Variants in CAMTA1 observed in about 807,000 individuals in gnomAD.
CAMTA1 encodes the protein calmodulin-binding transcription activator 1.
Under a neutral mutation model 170.9 loss-of-function variants are expected in CAMTA1, and 27 were observed. The ratio of observed to expected loss-of-function variants is 0.16; its 90% CI spans 0.12 to 0.22. CAMTA1 has a LOEUF of 0.22. Among genes scored for constraint, CAMTA1 ranks in the 10% least tolerant of loss-of-function variants. The pLI, the probability that CAMTA1 is intolerant of heterozygous loss-of-function variation, is 1.00. For synonymous variants in CAMTA1, 833 were observed against 891.5 expected, an observed-to-expected ratio of 0.93 and a Z score of 1.17; for missense variants, 1,619 against 2,217.2, an observed-to-expected ratio of 0.73 and a Z score of 5.42.
intron 6 of CAMTA1, among the ~76,000 whole-genome samples, chr1:7,553,212 T>TGCATG (rs1557904676): frequency 2.3e-4 from 35 of 149,738 alleles, no homozygotes; most frequent in African/African-American, 7.5e-4. Flanking sequence ...AATGAGTGAA[T>TGCATG]AAGTGAGTGA....
rs1172317662 is a variant in CAMTA1, at chr1:7,204,813, T to C, written c.303-44678T>C. Among the ~76,000 whole-genome samples the C allele has an allele frequency of 2.9e-5, 4 of 136,170 alleles. No homozygotes were observed. In the East Asian group the frequency reaches 6.3e-4, roughly 21 times the overall value. 89.3% of individuals were successfully genotyped at this position (136,170 alleles called of 152,430 possible). A position where few individuals can be genotyped will look rare whatever the true frequency, so the allele number is the denominator to read the frequency against. On this transcript the variant is annotated intron_variant, in intron 4 of 22. Transcript: ENST00000303635. ...TATTATTTTGGGTCAGAGTTTCTTT[T>C]TTTTTTTTCTTTTTTTCTTTTTTTT...
At chr1:6,803,908 C>T (rs1263492141) in intron 1 of CAMTA1, among the ~76,000 whole-genome samples, 1 of 151,510 alleles carries the variant, frequency 6.6e-6, no homozygotes, top group Non-Finnish European at 1.5e-5. Flanking sequence ...TTTGGCCAGG[C>T]ATGGTGGCTC....
In CAMTA1 at chr1:6,934,821, C is replaced by G. The variant is rs1162632452; in HGVS notation, c.234+109611C>G. Among the ~76,000 whole-genome samples, 3 of 152,132 alleles carry G rather than the reference C, an allele frequency of 2.0e-5. No individual in the cohort carries two copies. The highest frequency in any genetic ancestry group is 2.0e-4 in the Admixed American group (3 of 15,276). ...TGCTATGATGTGCCATTTCTTTGGG[C>G]TTTTCCGAGGACTGCTCACTTGAGG... On this transcript the variant is annotated intron_variant, in intron 3 of 22. Coordinates refer to ENST00000303635, the MANE Select transcript of CAMTA1 (RefSeq NM_015215.4). The surrounding 1 kb of genome is among the most constrained non-coding windows in gnomAD (Gnocchi z 4.5).
intron 3 of CAMTA1, among the ~76,000 whole-genome samples, chr1:7,032,417 A>T (rs1184994117): frequency 6.6e-6 from 1 of 152,182 alleles, no homozygotes. Flanking sequence ...ATCATAGTCC[A>T]CTTTCAGGTG....
At chr1:7,525,950 G>T (rs2094426946) in intron 6 of CAMTA1, among the ~76,000 whole-genome samples, 1 of 152,114 alleles carries the variant, frequency 6.6e-6, no homozygotes. Flanking sequence ...GGGAAGCCTG[G>T]CAGGGCCAGG....
At position 7,443,755 on chromosome 1, in the gene CAMTA1, C is replaced by T. The variant is rs558282834; in HGVS notation, c.439-24075C>T. On this transcript the variant is annotated intron_variant, in intron 5 of 22. Transcript: ENST00000303635. This position sits in a 1 kb window ranked among gnomAD's most constrained non-coding sequence, Gnocchi z 4.1. ...TTGGTAAGAAGGGAGAAGTGGGGCT[C>T]CAGAGAGGGTCCCTCAGGTCTCTGC... 6.6e-6 allele frequency among the ~76,000 whole-genome samples: 1 copy of T among 152,184 alleles called. No homozygotes were observed.
chr1:7,358,288 T>C (rs933485692), intron 5 of CAMTA1, among the ~76,000 whole-genome samples: 7 of 152,200 alleles, frequency 4.6e-5, no homozygotes, highest in African/African-American at 1.2e-4. Context: ...AGATGTAACC[T>C]TGAAGTAAAT....
intron 3 of CAMTA1, among the ~76,000 whole-genome samples, chr1:6,957,582 C>T (rs1341062929): frequency 6.6e-6 from 1 of 152,192 alleles, no homozygotes; most frequent in African/African-American, 2.4e-5. Context: ...AGTCAAGTCT[C>T]TTTCAGAGAA....
chr1:7,017,881 G>A (rs1700779198), intron 3 of CAMTA1, among the ~76,000 whole-genome samples: 1 of 152,160 alleles, frequency 6.6e-6, no homozygotes, highest in African/African-American at 2.4e-5. Flanking sequence ...TGCGTTGGTT[G>A]GTGTGGAATT....
chr1:7,404,997 G>C (rs2090188256), intron 5 of CAMTA1, among the ~76,000 whole-genome samples: 1 of 151,950 alleles, frequency 6.6e-6, no homozygotes, highest in Non-Finnish European at 1.5e-5. Flanking sequence ...TTGAGGTGAA[G>C]TGAAAATATC....
intron 5 of CAMTA1, among the ~76,000 whole-genome samples, chr1:7,323,275 A>T (rs752290546): frequency 3.9e-5 from 6 of 151,922 alleles, no homozygotes; most frequent in Non-Finnish European, 8.8e-5. Flanking sequence ...GCTTTCTTGA[A>T]GTATTTCAAA....
At chr1:7,675,723 A>G (rs1282876891) in intron 10 of CAMTA1, among the ~76,000 whole-genome samples, 1 of 152,214 alleles carries the variant, frequency 6.6e-6, no homozygotes, top group East Asian at 1.9e-4. Context: ...CATGGACTAC[A>G]GCATCTGCAG....
At chr1:7,207,078 C>T (rs1657876932) in intron 4 of CAMTA1, among the ~76,000 whole-genome samples, 1 of 152,208 alleles carries the variant, frequency 6.6e-6, no homozygotes, top group African/African-American at 2.4e-5. Flanking sequence ...AAGTGTCTGG[C>T]CCTGGTACTG....
intron 3 of CAMTA1, among the ~76,000 whole-genome samples, chr1:6,905,021 A>C (rs527980066): frequency 1.3e-5 from 2 of 151,470 alleles, no homozygotes; most frequent in African/African-American, 4.8e-5. Context: ...CACGCTTGCC[A>C]CTCTGGGGTC....
intron 6 of CAMTA1, among the ~76,000 whole-genome samples, chr1:7,583,478 T>C (rs1432920394): frequency 6.6e-6 from 1 of 152,056 alleles, no homozygotes; most frequent in Admixed American, 6.5e-5. Flanking sequence ...GCTGGGGCTG[T>C]CCTCTGGTGG....
chr1:7,250,310 G>A (rs1159810201), intron 5 of CAMTA1, among the ~76,000 whole-genome samples: 4 of 152,234 alleles, frequency 2.6e-5, no homozygotes, highest in Non-Finnish European at 2.9e-5. Flanking sequence ...CCTGAGCCAT[G>A]TGTCACAGCC....
intron 6 of CAMTA1, among the ~76,000 whole-genome samples, chr1:7,508,728 G>C (rs1176462299): frequency 6.6e-6 from 1 of 151,994 alleles, no homozygotes; most frequent in African/African-American, 2.4e-5. Context: ...GAAGGGTGGA[G>C]GGAGGGAAGG....
intron 5 of CAMTA1, among the ~76,000 whole-genome samples, chr1:7,271,539 G>A (rs952485026): frequency 6.7e-6 from 1 of 150,220 alleles, no homozygotes; most frequent in Non-Finnish European, 1.5e-5. Flanking sequence ...AACAAAACTG[G>A]TAAACTGTTA....
At chr1:7,724,818 C>CAAAAAA (rs960235639) in intron 11 of CAMTA1, among the ~76,000 whole-genome samples, 1 of 85,330 alleles carries the variant, frequency 1.2e-5, no homozygotes, top group African/African-American at 4.5e-5. Flanking sequence ...GCGAGACTCT[C>CAAAAAA]AAAAAAAAAA....
Sources: allele counts gnomAD v4.1 joint callset (sites outside exome capture counted in the v4.1 genomes callset), GRCh38; gene constraint gnomAD v4.1.1; non-coding constraint Gnocchi (gnomAD v3.1); transcripts MANE v1.5; gene names NCBI Gene and HGNC (gene_info 2026-07-23, HGNC 2026-07-21).